PCAT7: variants seen among roughly 807,000 people sequenced by gnomAD.
PCAT7 encodes the protein prostate cancer associated transcript 7 (non-protein coding).
intron 2 of PCAT7, among the ~76,000 whole-genome samples, chr9:94,562,494 C>T (rs1237461629): frequency 6.6e-6 from 1 of 152,004 alleles, no homozygotes; most frequent in African/African-American, 2.4e-5. Context: ...ATACACCAAC[C>T]TATTAAAATC....
chr9:94,568,386 AC>A (rs886118235), intron 2 of PCAT7: 7 of 151,992 alleles, frequency 4.6e-5, no homozygotes, highest in Non-Finnish European at 8.8e-5. Context: ...TCTCTCAAAT[AC>A]CCCTATGTCT....
intron 2 of PCAT7, among the ~76,000 whole-genome samples, chr9:94,563,733 C>CAG (rs10668765): frequency 0.6 from 91,413 of 151,752 alleles, 27,751 homozygotes; most frequent in Admixed American, 0.72. Flanking sequence ...GCTAAACAAA[C>CAG]AAAGAAAAAG....
chr9:94,559,870 G>T (rs112059209), intron 2 of PCAT7, among the ~76,000 whole-genome samples: 2,355 of 152,272 alleles, frequency 0.015, 32 homozygotes, highest in Middle Eastern at 0.034. Flanking sequence ...GCTCCGGCCT[G>T]TAATCCCAGG....
chr9:94,559,641 T>G (rs559214473), intron 2 of PCAT7, among the ~76,000 whole-genome samples: 2 of 152,286 alleles, frequency 1.3e-5, no homozygotes, highest in South Asian at 4.1e-4. Flanking sequence ...TTGACTTGTC[T>G]AACTAGTTTG....
rs1308264852 is a variant in PCAT7, at chr9:94,571,617, GA to G, written n.442-1361del. On this transcript the variant is annotated intron_variant and non_coding_transcript_variant, in intron 2 of 8. Coordinates refer to ENST00000647389, the Ensembl canonical transcript of PCAT7. ...TCCTCTGAGGTCTGTGGAAGAGAGG[GA>G]TAAATGCCATGTGTTATTGTTGTCT... 11 of 1,605,462 alleles carry G rather than the reference GA, an allele frequency of 6.9e-6. 1 individual carries two copies. The highest frequency in any genetic ancestry group is 9.4e-6 in the Non-Finnish European group (11 of 1,175,186).
At chr9:94,562,896 A>G (rs1827130048) in intron 2 of PCAT7, among the ~76,000 whole-genome samples, 1 of 152,220 alleles carries the variant, frequency 6.6e-6, no homozygotes, top group South Asian at 2.1e-4. Flanking sequence ...GGCGGACTTC[A>G]GGGCATCAGT....
intron 2 of PCAT7, among the ~76,000 whole-genome samples, chr9:94,563,987 A>G (rs1827148530): frequency 6.6e-6 from 1 of 152,246 alleles, no homozygotes; most frequent in South Asian, 2.1e-4. Context: ...AGATTCATAA[A>G]GCAAGTCCTT....
At chr9:94,572,370 A>T (rs1446806401) in intron 2 of PCAT7, among the ~76,000 whole-genome samples, 5 of 152,180 alleles carry the variant, frequency 3.3e-5, no homozygotes, top group Non-Finnish European at 1.5e-5. Context: ...ATAGATTCAT[A>T]GATTAGTGAT....
At chr9:94,560,426 C>T (rs1292057138) in intron 2 of PCAT7, among the ~76,000 whole-genome samples, 1 of 152,158 alleles carries the variant, frequency 6.6e-6, no homozygotes, top group Non-Finnish European at 1.5e-5. Flanking sequence ...ACTCACAACA[C>T]ACACCCCCAT....
chr9:94,565,517 T>C (rs1827172904), intron 2 of PCAT7, among the ~76,000 whole-genome samples: 1 of 152,162 alleles, frequency 6.6e-6, no homozygotes, highest in South Asian at 2.1e-4. Flanking sequence ...GGGAAAACAT[T>C]AAGTCATAAA....
intron 2 of PCAT7, among the ~76,000 whole-genome samples, chr9:94,572,269 C>G (rs946774426): frequency 6.6e-6 from 1 of 152,120 alleles, no homozygotes; most frequent in African/African-American, 2.4e-5. Flanking sequence ...CCCCCTTATC[C>G]AAAATGGGGA....
At chr9:94,565,782 AGATAGAT>A (rs1827179671) in intron 2 of PCAT7, among the ~76,000 whole-genome samples, 1 of 132,364 alleles carries the variant, frequency 7.6e-6, no homozygotes, top group South Asian at 2.4e-4. Flanking sequence ...ATAGATAGAT[AGATAGAT>A]GATAGATAGG....
At chr9:94,572,680 C>T (rs1302483195) in intron 2 of PCAT7, among the ~76,000 whole-genome samples, 1 of 151,986 alleles carries the variant, frequency 6.6e-6, no homozygotes, top group Non-Finnish European at 1.5e-5. Flanking sequence ...CAATCCAGTC[C>T]ACAGATATTG....
chr9:94,559,163 T>C (rs1269767652), intron 2 of PCAT7: 2 of 1,589,146 alleles, frequency 1.3e-6, no homozygotes, highest in East Asian at 2.2e-5. Flanking sequence ...GTGAGTAAAC[T>C]CTGCAAGTGG....
intron 2 of PCAT7, among the ~76,000 whole-genome samples, chr9:94,563,072 G>A (rs562504133): frequency 6.6e-6 from 1 of 152,362 alleles, no homozygotes; most frequent in Non-Finnish European, 1.5e-5. Flanking sequence ...GAGACACACA[G>A]CTGGTTCATG....
chr9:94,560,143 C>T (rs1450310060), intron 2 of PCAT7, among the ~76,000 whole-genome samples: 1 of 152,110 alleles, frequency 6.6e-6, no homozygotes, highest in East Asian at 1.9e-4. Context: ...AGAAAGTGTC[C>T]AAGCAAGGCC....
chr9:94,564,273 ACCAACCACTCT>A (rs1328671766), intron 2 of PCAT7, among the ~76,000 whole-genome samples: 3 of 152,220 alleles, frequency 2.0e-5, no homozygotes, highest in Non-Finnish European at 4.4e-5. Context: ...CTGAACTCAT[ACCAACCACTCT>A]CCAACCACGG....
chr9:94,556,123 G>A (rs1279268662), intron 1 of PCAT7, among the ~76,000 whole-genome samples: 1 of 151,146 alleles, frequency 6.6e-6, no homozygotes, highest in Admixed American at 6.6e-5. Flanking sequence ...GGGGAAAGAC[G>A]ATGAGGAAAA....
intron 2 of PCAT7, among the ~76,000 whole-genome samples, chr9:94,561,350 GTATTTTT>G (rs1201063980): frequency 0.011 from 632 of 59,780 alleles, 11 homozygotes; most frequent in African/African-American, 0.029. Context: ...CATGTGACCT[GTATTTTT>G]TTTTTTTTTT....
Sources: gnomAD v4.1 joint callset for allele counts (sites outside exome capture counted in the v4.1 genomes callset) on GRCh38, gnomAD v4.1.1 for gene constraint, MANE v1.5 for transcripts, NCBI Gene and HGNC (gene_info 2026-07-23, HGNC 2026-07-21) for gene names.